The following G2E3 variants were observed in gnomAD, a reference collection of about 807,000 sequenced individuals.
The protein encoded by G2E3 is G2/M phase-specific E3 ubiquitin-protein ligase.
Under a neutral mutation model 92.8 loss-of-function variants are expected in G2E3, and 35 were observed. That is an observed-to-expected ratio of 0.38 (90% CI 0.29 to 0.50). The LOEUF (loss-of-function observed/expected upper bound fraction) is 0.50, where lower values mean the gene tolerates loss of function less well. G2E3 is among the 20% of genes least tolerant of loss of function. The pLI, the probability that G2E3 is intolerant of heterozygous loss-of-function variation, is 0.94. For missense variants in G2E3, 554 were observed against 823.8 expected (o/e 0.67, Z 4.01); for synonymous variants, 242 against 272.4 (o/e 0.89, Z 1.10).
At chr14:30,571,340 T>C (rs1879751351) in intron 1 of G2E3, among the ~76,000 whole-genome samples, 1 of 152,092 alleles carries the variant, frequency 6.6e-6, no homozygotes, top group African/African-American at 2.4e-5. Flanking sequence ...AAGCATTCTT[T>C]ATGCATTGTG....
intron 5 of G2E3, 21 bp from the exon 6 acceptor site, chr14:30,593,453 T>G (rs191852930): frequency 7.7e-7 from 1 of 1,296,738 alleles, no homozygotes; most frequent in African/African-American, 1.5e-5. Context: ...GAGATTTTTT[T>G]AAAATAATTT....
At chr14:30,578,742 G>A (rs1406728403) in intron 1 of G2E3, among the ~76,000 whole-genome samples, 1 of 152,140 alleles carries the variant, frequency 6.6e-6, no homozygotes, top group Non-Finnish European at 1.5e-5. Context: ...ATGGATTTAT[G>A]ATATGTTGAA....
intron 1 of G2E3, among the ~76,000 whole-genome samples, chr14:30,569,581 A>G (rs1879636184): frequency 6.6e-6 from 1 of 152,164 alleles, no homozygotes; most frequent in Non-Finnish European, 1.5e-5. Flanking sequence ...GTTGTGACAG[A>G]ATAGCCTTTA....
At chr14:30,614,324 C>T (rs963136426) in intron 13 of G2E3, among the ~76,000 whole-genome samples, 1 of 152,200 alleles carries the variant, frequency 6.6e-6, no homozygotes, top group African/African-American at 2.4e-5. Context: ...TTATTTCTCA[C>T]AGTTCTGGAG....
At chr14:30,579,179 A>G (rs1252373297) in intron 1 of G2E3, among the ~76,000 whole-genome samples, 1 of 152,180 alleles carries the variant, frequency 6.6e-6, no homozygotes, top group Non-Finnish European at 1.5e-5. Context: ...AAAAAAATCC[A>G]AGAGACAATA....
chr14:30,615,577 AAT>A (rs746244548), intron 14 of G2E3, 38 bp downstream of exon 14: 2 of 1,274,162 alleles, frequency 1.6e-6, no homozygotes, highest in East Asian at 2.5e-5. Flanking sequence ...ACGATCTCAG[AAT>A]ATTTGTTTCA....
intron 1 of G2E3, among the ~76,000 whole-genome samples, chr14:30,566,060 T>TA (rs1879417231): frequency 6.6e-6 from 1 of 152,214 alleles, no homozygotes; most frequent in Non-Finnish European, 1.5e-5. Context: ...TTATTGAAAA[T>TA]TAGTTTACTA....
At chr14:30,613,834 G>A (rs1363023272) in intron 13 of G2E3, among the ~76,000 whole-genome samples, 3 of 151,702 alleles carry the variant, frequency 2.0e-5, no homozygotes, top group African/African-American at 7.3e-5. Context: ...AGTTCTTAAT[G>A]ACACTGGAGA....
chr14:30,608,871 A>G (rs1316509690), intron 12 of G2E3, among the ~76,000 whole-genome samples: 1 of 152,074 alleles, frequency 6.6e-6, no homozygotes, highest in African/African-American at 2.4e-5. Flanking sequence ...AATCCCAGCT[A>G]CTCTGGAGGC....
At chr14:30,600,935 A>G (rs1181976677) in intron 8 of G2E3, among the ~76,000 whole-genome samples, 1 of 152,210 alleles carries the variant, frequency 6.6e-6, no homozygotes, top group African/African-American at 2.4e-5. Context: ...ATGAACACAG[A>G]GAGAACTGGA....
At chr14:30,589,651 C>A (rs1010789081) in intron 4 of G2E3, among the ~76,000 whole-genome samples, 167 bp downstream of exon 4, 1 of 151,918 alleles carries the variant, frequency 6.6e-6, no homozygotes, top group Non-Finnish European at 1.5e-5. Flanking sequence ...TATATTTTTG[C>A]CCATTAAAGA....
chr14:30,598,616 A>C lies in G2E3; in HGVS notation c.752+17A>C. The C allele has an allele frequency of 7.1e-7, 1 of 1,407,646 alleles. No homozygotes were observed. The highest frequency in any genetic ancestry group is 1.0e-6 in the Non-Finnish European group (1 of 991,568). The allele number at this position is 1,407,646 out of a possible 1,614,324, so 87.2% of individuals were successfully genotyped here. On this transcript the variant is annotated intron_variant, in intron 8 of 14. Transcript: ENST00000206595. ...ACCTGATAGGTATTTCTGAAAGTTCAGTTGTGCTTAGTGGTTCCTTGTTTA... is the reference window on the plus strand; with the variant it reads ...ACCTGATAGGTATTTCTGAAAGTTCCGTTGTGCTTAGTGGTTCCTTGTTTA...
chr14:30,616,426 A>C lies in G2E3; in HGVS notation c.2013A>C (p.Ala671=), dbSNP rs776959368. 33 of 1,611,844 alleles carry C rather than the reference A, an allele frequency of 2.0e-5. No individual in the cohort carries two copies. Among genetic ancestry groups the C allele is most frequent in the Non-Finnish European group, 2.7e-5 (32 of 1,178,268 alleles). The change falls in exon 15 of 15, where the codon GCA becomes GCC. Residue 671 remains alanine (A), a synonymous_variant. Coordinates refer to ENST00000206595, the MANE Select transcript of G2E3 (RefSeq NM_017769.5). ...PVGNKCNNCL[A]IPITNTYKEF... is the part of the protein sequence containing the mutation. ...GAAACAAGTGTAATAACTGTTTAGC[A>C]ATTCCCATCACCAATACATATAAAG... is the stretch of plus-strand genomic sequence containing the variant.
intron 8 of G2E3, among the ~76,000 whole-genome samples, chr14:30,600,472 A>G (rs1333621752): frequency 2.0e-5 from 3 of 152,206 alleles, no homozygotes; most frequent in Admixed American, 6.5e-5. Flanking sequence ...GTTAACACCA[A>G]TAATATCTCC....
chr14:30,592,920 G>A (rs1034041829), intron 5 of G2E3, among the ~76,000 whole-genome samples: 19 of 151,934 alleles, frequency 1.3e-4, no homozygotes, highest in African/African-American at 3.9e-4. Context: ...TAAACATCAA[G>A]GTTTTATGAA....
intron 1 of G2E3, among the ~76,000 whole-genome samples, chr14:30,572,247 A>T (rs192186792): frequency 2.6e-5 from 4 of 152,046 alleles, no homozygotes; most frequent in African/African-American, 9.7e-5. Context: ...AGGATTTTCT[A>T]TGTAGATGAT....
intron 8 of G2E3, 82 bp downstream of exon 8, chr14:30,598,681 C>T (rs949668163): frequency 5.6e-6 from 5 of 888,944 alleles, no homozygotes; most frequent in African/African-American, 1.6e-5. Context: ...GTTAGTGAAA[C>T]GTAGTTTTTC....
intron 12 of G2E3, among the ~76,000 whole-genome samples, chr14:30,608,908 G>C (rs1386396734): frequency 3.3e-5 from 5 of 152,142 alleles, no homozygotes; most frequent in Non-Finnish European, 7.4e-5. Context: ...TTTGAATCCG[G>C]CAGATGGAGG....
At chr14:30,573,540 T>A (rs1373541191) in intron 1 of G2E3, 2 of 151,986 alleles carry the variant, frequency 1.3e-5, no homozygotes, top group African/African-American at 4.8e-5. Flanking sequence ...CCATTATCTG[T>A]TTGCAAACTG....
Sources: allele counts gnomAD v4.1 joint callset (sites outside exome capture counted in the v4.1 genomes callset), GRCh38; gene constraint gnomAD v4.1.1; transcripts MANE v1.5; gene names NCBI Gene and HGNC (gene_info 2026-07-23, HGNC 2026-07-21).